Variants in NAALADL2 observed in about 807,000 individuals in gnomAD.
NAALADL2 encodes N-acetylated alpha-linked acidic dipeptidase like 2.
In NAALADL2, 76 loss-of-function variants were observed where a neutral mutation model predicts 87.2. The ratio of observed to expected loss-of-function variants is 0.87; its 90% confidence interval spans 0.72 to 1.05. NAALADL2 has a LOEUF of 1.05. NAALADL2 is among the 50% of genes least tolerant of loss of function. The pLI, the probability that NAALADL2 is intolerant of heterozygous loss-of-function variation, is 0.00. For synonymous variants in NAALADL2, 354 were observed against 331.0 expected, an observed-to-expected ratio of 1.07 and a Z score of -0.75; for missense variants, 1,089 against 945.8, an observed-to-expected ratio of 1.15 and a Z score of -1.99.
intron 1 of NAALADL2, among the ~76,000 whole-genome samples, chr3:175,091,720 G>A (rs1720170721): frequency 1.3e-5 from 2 of 151,960 alleles, no homozygotes; most frequent in Admixed American, 6.6e-5. Flanking sequence ...AATTCTTTAC[G>A]ATGGAAAAGC....
intron 3 of NAALADL2, among the ~76,000 whole-genome samples, chr3:174,765,168 G>C (rs1264918217): frequency 6.7e-6 from 1 of 149,974 alleles, no homozygotes; most frequent in Non-Finnish European, 1.5e-5. Context: ...GAGAGAGAGA[G>C]AGACAGAGAG....
intron 10 of NAALADL2, among the ~76,000 whole-genome samples, chr3:175,606,792 C>G (rs1356022351): frequency 6.6e-6 from 1 of 152,108 alleles, no homozygotes; most frequent in East Asian, 1.9e-4. Flanking sequence ...GCTGAAGTGT[C>G]AGAGAAGAGC....
In NAALADL2 at chr3:175,807,061, G is replaced by A. The variant is rs547778147; in HGVS notation, c.*3858G>A. On this transcript the variant is annotated 3_prime_UTR_variant, in exon 14 of 14. Transcript: ENST00000454872. Reference sequence around the variant, plus strand: ...TAGGCAAGTTTGAAGATATCTATAAGAGCATTAAAAGGCAAGTGCACCATT... The same window carrying A: ...TAGGCAAGTTTGAAGATATCTATAAAAGCATTAAAAGGCAAGTGCACCATT... 6.6e-6 allele frequency: 1 copy of A among 151,850 alleles called. No homozygotes were observed. Among genetic ancestry groups the A allele is most frequent in the South Asian group, 2.1e-4 (1 of 4,818 alleles). 9.4% of individuals were successfully genotyped at this position (151,850 alleles called of 1,614,324 possible). A position where few individuals can be genotyped will look rare whatever the true frequency, so the allele number is the denominator to read the frequency against.
At chr3:175,314,459 G>A (rs1236854411) in intron 4 of NAALADL2, among the ~76,000 whole-genome samples, 1 of 148,786 alleles carries the variant, frequency 6.7e-6, no homozygotes, top group Non-Finnish European at 1.5e-5. Context: ...TTTTAATTAT[G>A]TATTTTTACA....
chr3:175,207,058 A>G (rs1442310044), intron 2 of NAALADL2, among the ~76,000 whole-genome samples: 1 of 152,166 alleles, frequency 6.6e-6, no homozygotes, highest in Non-Finnish European at 1.5e-5. Context: ...TATATATGCA[A>G]ACGTATATAT....
intron 3 of NAALADL2, among the ~76,000 whole-genome samples, chr3:174,747,228 A>G (rs1480984333): frequency 6.6e-6 from 1 of 152,186 alleles, no homozygotes; most frequent in Admixed American, 6.6e-5. Flanking sequence ...AAACAAATTT[A>G]CAAGAAAAGG....
chr3:174,573,580 C>T (rs1715172478), intron 2 of NAALADL2, among the ~76,000 whole-genome samples: 2 of 152,066 alleles, frequency 1.3e-5, no homozygotes, highest in South Asian at 2.1e-4. Context: ...TAGCATGGCA[C>T]CATCATCTGC....
At chr3:174,539,784 G>A (rs1172809772) in intron 1 of NAALADL2, among the ~76,000 whole-genome samples, 1 of 151,826 alleles carries the variant, frequency 6.6e-6, no homozygotes, top group Non-Finnish European at 1.5e-5. Flanking sequence ...GTCACTTAAA[G>A]CATTGTTTTC....
intron 9 of NAALADL2, among the ~76,000 whole-genome samples, chr3:175,569,512 A>G (rs1006647264): frequency 6.6e-6 from 1 of 152,054 alleles, no homozygotes; most frequent in African/African-American, 2.4e-5. Context: ...AAAATCCCCA[A>G]TGTTGATGTT....
At chr3:175,685,139 G>T (rs1047916504) in intron 11 of NAALADL2, among the ~76,000 whole-genome samples, 1 of 152,018 alleles carries the variant, frequency 6.6e-6, no homozygotes, top group Admixed American at 6.6e-5. Context: ...TAGCTCTTTG[G>T]ATCCCTCCCA....
intron 4 of NAALADL2, among the ~76,000 whole-genome samples, chr3:175,320,598 G>A (rs981320352): frequency 6.6e-6 from 1 of 152,142 alleles, no homozygotes; most frequent in African/African-American, 2.4e-5. Flanking sequence ...TTAATGACTG[G>A]TGTGACAGGC....
At chr3:175,301,777 C>G (rs1246498936) in intron 4 of NAALADL2, among the ~76,000 whole-genome samples, 2 of 152,180 alleles carry the variant, frequency 1.3e-5, no homozygotes, top group South Asian at 2.1e-4. Flanking sequence ...ACACCAGTAA[C>G]AGTGGATATT....
In NAALADL2 at chr3:175,804,013, C is replaced by A. The variant is rs1401315597; in HGVS notation, c.*810C>A. 1 of 152,120 alleles carries A rather than the reference C, an allele frequency of 6.6e-6. No homozygotes were observed. Among genetic ancestry groups the A allele is most frequent in the Admixed American group, 6.6e-5 (1 of 15,186 alleles). The allele number at this position is 152,120 out of a possible 1,614,324, so 9.4% of individuals were successfully genotyped here. A position where few individuals can be genotyped will look rare whatever the true frequency, so the allele number is the denominator to read the frequency against. On this transcript the variant is annotated 3_prime_UTR_variant, in exon 14 of 14. Transcript: ENST00000454872. ...TTTTCTCTTGTTTCTGTTGGAAACA[C>A]TGAAGCAGGGACTCTAAAATGAAAG... is the stretch of plus-strand genomic sequence containing the variant.
intron 1 of NAALADL2, among the ~76,000 whole-genome samples, chr3:174,999,560 A>G (rs1335845023): frequency 6.6e-6 from 1 of 152,186 alleles, no homozygotes; most frequent in East Asian, 1.9e-4. Flanking sequence ...CACTGTCCAC[A>G]TTATTCTCTG....
At chr3:175,173,147 C>T (rs1018649028) in intron 2 of NAALADL2, among the ~76,000 whole-genome samples, 12 of 151,640 alleles carry the variant, frequency 7.9e-5, no homozygotes, top group African/African-American at 1.5e-4. Context: ...AAAAAATTAG[C>T]GGGGTGTGGT....
chr3:174,476,541 C>T (rs1229343905), intron 1 of NAALADL2, among the ~76,000 whole-genome samples: 4 of 151,784 alleles, frequency 2.6e-5, no homozygotes, highest in African/African-American at 9.7e-5. Context: ...ATGGCTTATT[C>T]ATTTTTGCAC....
chr3:175,189,828 T>C (rs1370586518), intron 2 of NAALADL2, among the ~76,000 whole-genome samples: 1 of 152,120 alleles, frequency 6.6e-6, no homozygotes, highest in African/African-American at 2.4e-5. Context: ...ATTACAGAAC[T>C]ATAGTAATCA....
chr3:174,719,876 A>G (rs1731545482), intron 2 of NAALADL2, among the ~76,000 whole-genome samples: 4 of 152,174 alleles, frequency 2.6e-5, no homozygotes, highest in African/African-American at 9.7e-5. Context: ...ATCTTGGCTC[A>G]CCGCAACGTC....
intron 9 of NAALADL2, among the ~76,000 whole-genome samples, chr3:175,499,380 A>G (rs555906065): frequency 2.0e-4 from 30 of 152,250 alleles, no homozygotes; most frequent in African/African-American, 6.7e-4. Context: ...AGTCTAGCGT[A>G]AGAGTCTCTT....
Sources: allele counts gnomAD v4.1 joint callset (sites outside exome capture counted in the v4.1 genomes callset), GRCh38; gene constraint gnomAD v4.1.1; transcripts MANE v1.5; gene names NCBI Gene and HGNC (gene_info 2026-07-23, HGNC 2026-07-21).